The following TMEM38B variants were observed in gnomAD, a reference collection of about 807,000 sequenced individuals.
TMEM38B encodes trimeric intracellular cation channel type B.
A neutral mutation model predicts 28.7 loss-of-function variants in TMEM38B; 24 were observed. The ratio of observed to expected loss-of-function variants is 0.84; its 90% confidence interval spans 0.61 to 1.18. The LOEUF (loss-of-function observed/expected upper bound fraction) is 1.18. Among genes scored for constraint, TMEM38B ranks in the 50% most tolerant of loss-of-function variants. The probability of loss-of-function intolerance (pLI) is 0.00; values close to 1 mark genes in which losing one functional copy is unlikely to be tolerated. For synonymous variants in TMEM38B, 131 were observed against 127.7 expected (o/e 1.03, Z -0.17); for missense variants, 380 against 350.9 (o/e 1.08, Z -0.66).
chr9:105,754,208 A>G (rs1837754735), intron 5 of TMEM38B, among the ~76,000 whole-genome samples: 1 of 152,192 alleles, frequency 6.6e-6, no homozygotes, highest in South Asian at 2.1e-4. Context: ...TTAACACCCT[A>G]CTGACAATAT....
chr9:105,710,314 G>A (rs1835853679), intron 2 of TMEM38B: 3 of 672,654 alleles, frequency 4.5e-6, no homozygotes, highest in Admixed American at 4.2e-5. Flanking sequence ...AATGGCTTCT[G>A]CTACTCTGTG....
chr9:105,732,234 A>G (rs1287012446), intron 4 of TMEM38B, among the ~76,000 whole-genome samples: 1 of 152,162 alleles, frequency 6.6e-6, no homozygotes, highest in African/African-American at 2.4e-5. Context: ...GTAGATTGCA[A>G]AAATTTTCTC....
chr9:105,760,777 A>G (rs1305627031), intron 5 of TMEM38B: 1 of 926,752 alleles, frequency 1.1e-6, no homozygotes, highest in African/African-American at 1.7e-5. Context: ...ATTATGTAAT[A>G]CTTGTGGAAC....
chr9:105,752,266 C>G (rs1196169356), intron 5 of TMEM38B, among the ~76,000 whole-genome samples: 1 of 152,106 alleles, frequency 6.6e-6, no homozygotes, highest in Non-Finnish European at 1.5e-5. Context: ...TTGGAATGCC[C>G]AAATGGTTCA....
chr9:105,703,157 T>TC (rs2133548934), intron 1 of TMEM38B, among the ~76,000 whole-genome samples: 1 of 152,316 alleles, frequency 6.6e-6, no homozygotes, highest in East Asian at 1.9e-4. Flanking sequence ...ATTTCTTTTT[T>TC]CTCTTCTAAA....
At chr9:105,711,389 C>T (rs1022337368) in intron 2 of TMEM38B, among the ~76,000 whole-genome samples, 5 of 151,490 alleles carry the variant, frequency 3.3e-5, no homozygotes, top group East Asian at 1.9e-4. Flanking sequence ...TGCAGTGAAC[C>T]GAGATCGTGC....
intron 4 of TMEM38B, among the ~76,000 whole-genome samples, chr9:105,743,553 T>G (rs948317529): frequency 6.6e-6 from 1 of 152,174 alleles, no homozygotes; most frequent in Non-Finnish European, 1.5e-5. Context: ...AAGTGATGCT[T>G]CTTATTTGGT....
intron 2 of TMEM38B, among the ~76,000 whole-genome samples, chr9:105,715,871 A>AGT (rs1836081413): frequency 1.3e-5 from 2 of 151,834 alleles, no homozygotes; most frequent in Non-Finnish European, 2.9e-5. Context: ...CATTTTCCTG[A>AGT]GTGCTTACAT....
At chr9:105,743,941 C>T (rs1837295596) in intron 4 of TMEM38B, among the ~76,000 whole-genome samples, 1 of 152,032 alleles carries the variant, frequency 6.6e-6, no homozygotes, top group Non-Finnish European at 1.5e-5. Context: ...TAGAAATGTA[C>T]TCTTTTTGTT....
chr9:105,755,410 TAACA>T (rs1390030785), intron 5 of TMEM38B, among the ~76,000 whole-genome samples: 3 of 152,162 alleles, frequency 2.0e-5, no homozygotes, highest in African/African-American at 4.8e-5. Context: ...TTTACCTGTG[TAACA>T]AACCTGCACA....
At chr9:105,709,007 A>G (rs534474208) in intron 2 of TMEM38B, among the ~76,000 whole-genome samples, 1 of 142,496 alleles carries the variant, frequency 7.0e-6, no homozygotes, top group Non-Finnish European at 1.5e-5. Context: ...TTTTTTTTTT[A>G]CTGTCAAAGT....
Position 105,724,580 on chromosome 9 carries a change from A to G in TMEM38B, c.542+1959A>G, listed in dbSNP as rs1195782372. Reference sequence around the variant, plus strand: ...AGAAGTTGCAATGAGCTGAGATCGCACCACTGCACTCCAGCCTGGGTGACA... The same window carrying G: ...AGAAGTTGCAATGAGCTGAGATCGCGCCACTGCACTCCAGCCTGGGTGACA... On this transcript the variant is annotated intron_variant, in intron 4 of 5. Transcript: ENST00000374692. Among the ~76,000 whole-genome samples, 4 of 151,380 alleles carry G rather than the reference A, an allele frequency of 2.6e-5. No individual in the cohort carries two copies. In the East Asian group the frequency reaches 7.8e-4, roughly 29 times the overall value.
chr9:105,713,149 C>A (rs1191840128), intron 2 of TMEM38B, among the ~76,000 whole-genome samples: 1 of 152,160 alleles, frequency 6.6e-6, no homozygotes, highest in Admixed American at 6.5e-5. Context: ...ACCCAGGCAC[C>A]CCTCTGCTCT....
At chr9:105,700,598 A>C (rs1015664203) in intron 1 of TMEM38B, among the ~76,000 whole-genome samples, 2 of 152,162 alleles carry the variant, frequency 1.3e-5, no homozygotes, top group Non-Finnish European at 2.9e-5. Flanking sequence ...CAATTTCTCA[A>C]TAAGGTGTCA....
chr9:105,721,439 G>A, intron 2 of TMEM38B, 98 bp from the exon 3 acceptor site: 2 of 889,718 alleles, frequency 2.2e-6, no homozygotes, highest in Non-Finnish European at 3.2e-6. Context: ...AATTCCATTT[G>A]TTGTGTTTTG....
intron 4 of TMEM38B, among the ~76,000 whole-genome samples, chr9:105,723,743 C>A (rs1056296233): frequency 2.6e-5 from 4 of 152,056 alleles, no homozygotes; most frequent in African/African-American, 9.7e-5. Flanking sequence ...GTTGCCCAGG[C>A]TGGTCTTAAC....
intron 5 of TMEM38B, among the ~76,000 whole-genome samples, chr9:105,753,066 G>T (rs1170835248): frequency 6.6e-6 from 1 of 152,130 alleles, no homozygotes. Flanking sequence ...GAGGAAAGCA[G>T]CTCAGAGCTT....
chr9:105,741,336 T>C (rs1475978740), intron 4 of TMEM38B, among the ~76,000 whole-genome samples: 1 of 152,174 alleles, frequency 6.6e-6, no homozygotes, highest in African/African-American at 2.4e-5. Flanking sequence ...ATTAGATAAT[T>C]GGTGGAGGCT....
intron 4 of TMEM38B, among the ~76,000 whole-genome samples, chr9:105,734,690 T>C (rs764166748): frequency 6.6e-6 from 1 of 152,104 alleles, no homozygotes; most frequent in Admixed American, 6.6e-5. Context: ...AATACTGACC[T>C]TTGTCTTTTC....
Sources: gnomAD v4.1 joint callset for allele counts (sites outside exome capture counted in the v4.1 genomes callset) on GRCh38, gnomAD v4.1.1 for gene constraint, MANE v1.5 for transcripts, NCBI Gene and HGNC (gene_info 2026-07-23, HGNC 2026-07-21) for gene names.